Variants in ACTN4 observed in about 807,000 individuals in gnomAD.
ACTN4 encodes the protein alpha-actinin-4.
In ACTN4, 18 loss-of-function variants were observed where a neutral mutation model predicts 114.2. That is an observed-to-expected ratio of 0.16 (90% CI 0.11 to 0.23). The LOEUF (loss-of-function observed/expected upper bound fraction) is 0.23. Ranked by LOEUF, ACTN4 falls within the 10% of genes least tolerant of loss-of-function variation. ACTN4 has a pLI of 1.00. For synonymous variants in ACTN4, 515 were observed against 506.3 expected, an observed-to-expected ratio of 1.02 and a Z score of -0.23; for missense variants, 722 against 1,262.9, an observed-to-expected ratio of 0.57 and a Z score of 6.49.
At chr19:38,719,639 T>C (rs1187837787) in intron 11 of ACTN4, among the ~76,000 whole-genome samples, 1 of 152,228 alleles carries the variant, frequency 6.6e-6, no homozygotes, top group Admixed American at 6.5e-5. Flanking sequence ...GTTGGTGGCC[T>C]CCATCCATTC....
chr19:38,649,038 C>CGT (rs1976475170), intron 1 of ACTN4, among the ~76,000 whole-genome samples: 2 of 151,392 alleles, frequency 1.3e-5, no homozygotes, highest in Admixed American at 6.6e-5. Flanking sequence ...GACTGGAGAG[C>CGT]GTGTGTGTGT....
intron 1 of ACTN4, among the ~76,000 whole-genome samples, chr19:38,655,982 C>G (rs1207422595): frequency 6.6e-6 from 1 of 152,004 alleles, no homozygotes; most frequent in East Asian, 1.9e-4. Flanking sequence ...CATTTTTTTT[C>G]TTCCAGTATT....
At chr19:38,688,401 A>AAAC (rs1555830040) in intron 1 of ACTN4, among the ~76,000 whole-genome samples, 1 of 150,794 alleles carries the variant, frequency 6.6e-6, no homozygotes, top group Non-Finnish European at 1.5e-5. Context: ...AAAAAAAAAA[A>AAAC]AAAAAAAAAA....
intron 1 of ACTN4, among the ~76,000 whole-genome samples, chr19:38,691,508 A>G (rs576857213): frequency 6.6e-6 from 1 of 152,148 alleles, no homozygotes; most frequent in Non-Finnish European, 1.5e-5. Flanking sequence ...GGTTGCTGAC[A>G]TTTGAGGCAA....
rs1190139074 is a variant in ACTN4, at chr19:38,706,029, TTG to T, written c.485-9_485-8del. On this transcript the variant is annotated splice_polypyrimidine_tract_variant and intron_variant, in intron 4 of 20. Transcript: ENST00000252699. ...ATTTTTGAGCCAGTGCTCACTGTCT[TTG>T]TGTGTTTTGCAGAGACCTCGGCCAA... 6.2e-7 allele frequency: 1 copy of T among 1,613,422 alleles called. No individual in the cohort carries two copies.
chr19:38,689,819 G>A (rs1405102744), intron 1 of ACTN4, among the ~76,000 whole-genome samples: 1 of 152,102 alleles, frequency 6.6e-6, no homozygotes, highest in African/African-American at 2.4e-5. Context: ...AACTACAGGC[G>A]TGCGCCACCA....
Position 38,649,972 on chromosome 19 carries a change from T to C in ACTN4, c.162+2065T>C, listed in dbSNP as rs184892485. 2.4e-3 allele frequency among the ~76,000 whole-genome samples: 359 copies of C among 152,282 alleles called. 1 individual carries two copies. Among genetic ancestry groups the C allele is most frequent in the African/African-American group, 8.3e-3 (343 of 41,554 alleles). ...CTGCAGGATGGACAGGTTGCGATAG[T>C]TGGCATAAATTCACTTTTTGAGGGG... On this transcript the variant is annotated intron_variant, in intron 1 of 20. Transcript: ENST00000252699.
At chr19:38,648,002 A>G in intron 1 of ACTN4, 95 bp downstream of exon 1, 2 of 1,334,932 alleles carry the variant, frequency 1.5e-6, no homozygotes, top group Non-Finnish European at 9.7e-7. Context: ...AGCGTCTGTG[A>G]TGGGAACGGG....
chr19:38,672,816 A>C (rs990397853), intron 1 of ACTN4, among the ~76,000 whole-genome samples: 4 of 151,644 alleles, frequency 2.6e-5, no homozygotes, highest in African/African-American at 9.7e-5. Context: ...CAAGTGATCC[A>C]CCTGCCTTGG....
Position 38,730,766 on chromosome 19 carries a change from A to G in ACTN4, c.*1334A>G. On this transcript the variant is annotated 3_prime_UTR_variant, in exon 21 of 21. Transcript: ENST00000252699. Reference sequence around the variant, plus strand: ...CCCCAGACAGGTGGATGCCAGAGAGAGTGGCACCCATGCCAGGCAAGGCCT... The same window carrying G: ...CCCCAGACAGGTGGATGCCAGAGAGGGTGGCACCCATGCCAGGCAAGGCCT... 1 of 1,475,058 alleles carries G rather than the reference A, an allele frequency of 6.8e-7. No individual in the cohort carries two copies. The highest frequency in any genetic ancestry group is 1.4e-5 in the African/African-American group (1 of 71,606). The allele number at this position is 1,475,058 out of a possible 1,614,324, so 91.4% of individuals were successfully genotyped here. A position where few individuals can be genotyped will look rare whatever the true frequency, so the allele number is the denominator to read the frequency against.
chr19:38,685,055 C>T (rs1314406415), intron 1 of ACTN4, among the ~76,000 whole-genome samples: 1 of 152,168 alleles, frequency 6.6e-6, no homozygotes, highest in Non-Finnish European at 1.5e-5. Flanking sequence ...AAGCGATTCT[C>T]CTGCCTCAGA....
chr19:38,657,071 G>C (rs906688689), intron 1 of ACTN4, among the ~76,000 whole-genome samples: 81 of 152,040 alleles, frequency 5.3e-4, no homozygotes, highest in African/African-American at 1.8e-3. Flanking sequence ...GAACTCTTGG[G>C]CTCAAGGGAT....
chr19:38,662,695 G>A (rs775627475), intron 1 of ACTN4, among the ~76,000 whole-genome samples: 8 of 152,182 alleles, frequency 5.3e-5, no homozygotes, highest in East Asian at 1.9e-4. Flanking sequence ...CCTACCCCAC[G>A]TTTGGGACAC....
rs138242776 is a variant in ACTN4 at position 38,682,365 on chromosome 19, A to G, written c.163-18235A>G. 4.1e-3 allele frequency among the ~76,000 whole-genome samples: 620 copies of G among 150,582 alleles called. 7 individuals are homozygous for G. The highest frequency in any genetic ancestry group is 0.015 in the African/African-American group (593 of 40,888). On this transcript the variant is annotated intron_variant, in intron 1 of 20. Coordinates refer to ENST00000252699, the MANE Select transcript of ACTN4 (RefSeq NM_004924.6). ...TCTTTTTTTGTTTGTTTTTTTTCCA[A>G]ATTGAAACAGGGTCTCACTATGTTG...
At chr19:38,699,490 C>T (rs1007400799) in intron 1 of ACTN4, among the ~76,000 whole-genome samples, 3 of 152,134 alleles carry the variant, frequency 2.0e-5, no homozygotes, top group Non-Finnish European at 2.9e-5. Context: ...TGTGGTGGCT[C>T]ACGCCTGTAA....
intron 1 of ACTN4, among the ~76,000 whole-genome samples, chr19:38,673,221 G>T (rs868576066): frequency 1.1e-4 from 16 of 151,368 alleles, no homozygotes; most frequent in Non-Finnish European, 1.0e-4. Context: ...AGGATTACAG[G>T]CATGAGCCAC....
chr19:38,680,837 G>C (rs1267300148), intron 1 of ACTN4, among the ~76,000 whole-genome samples: 1 of 151,912 alleles, frequency 6.6e-6, no homozygotes, highest in African/African-American at 2.4e-5. Flanking sequence ...TAAAAGTGCA[G>C]AGTCTTGGCC....
intron 1 of ACTN4, among the ~76,000 whole-genome samples, chr19:38,654,928 T>G (rs934110725): frequency 6.6e-6 from 1 of 152,030 alleles, no homozygotes; most frequent in Admixed American, 6.6e-5. Flanking sequence ...GCGAGTGGAG[T>G]GAGTTTACGT....
chr19:38,715,649 A>G (rs1968814707), intron 9 of ACTN4, among the ~76,000 whole-genome samples: 1 of 152,212 alleles, frequency 6.6e-6, no homozygotes, highest in Non-Finnish European at 1.5e-5. Flanking sequence ...TTATTTTGCC[A>G]AGTTACGGAT....
Sources: gnomAD v4.1 joint callset for allele counts (sites outside exome capture counted in the v4.1 genomes callset) on GRCh38, gnomAD v4.1.1 for gene constraint, MANE v1.5 for transcripts, NCBI Gene and HGNC (gene_info 2026-07-23, HGNC 2026-07-21) for gene names.